SLC39A11: variants seen among roughly 807,000 people sequenced by gnomAD.
SLC39A11 encodes zinc transporter ZIP11.
SLC39A11 carries 33 observed loss-of-function variants against 36.1 expected under a neutral mutation model. That is an observed-to-expected ratio of 0.91 (90% CI 0.69 to 1.22). The LOEUF (loss-of-function observed/expected upper bound fraction) is 1.22, where lower values mean the gene tolerates loss of function less well. Ranked by LOEUF, SLC39A11 falls within the 50% of genes most tolerant of loss-of-function variation. SLC39A11 has a pLI of 0.00. For synonymous variants in SLC39A11, 166 were observed against 170.3 expected (o/e 0.97, Z 0.20); for missense variants, 432 against 430.3 (o/e 1.00, Z -0.03).
intron 4 of SLC39A11, among the ~76,000 whole-genome samples, chr17:73,010,329 C>G (rs1412344712): frequency 1.3e-5 from 2 of 152,050 alleles, no homozygotes; most frequent in East Asian, 3.9e-4. Context: ...ATTCTTCTTT[C>G]CCTCTTTTCT....
At chr17:73,043,114 T>C (rs911936308) in intron 3 of SLC39A11, among the ~76,000 whole-genome samples, 1 of 152,104 alleles carries the variant, frequency 6.6e-6, no homozygotes, top group Non-Finnish European at 1.5e-5. Context: ...GGGATACCAA[T>C]ATTGTTTCAA....
intron 6 of SLC39A11, among the ~76,000 whole-genome samples, chr17:72,760,023 G>A (rs554040534): frequency 6.6e-6 from 1 of 152,206 alleles, no homozygotes; most frequent in East Asian, 1.9e-4. Flanking sequence ...TATAGGTTTT[G>A]TGAAGCATAT....
At chr17:72,753,889 C>CA (rs35076559) in intron 6 of SLC39A11, among the ~76,000 whole-genome samples, 12,671 of 51,746 alleles carry the variant, frequency 0.24, 1,206 homozygotes, top group East Asian at 0.36. Flanking sequence ...AGTCATTATA[C>CA]AAAAAAAAAA....
chr17:72,689,129 T>A (rs919148038), intron 7 of SLC39A11, among the ~76,000 whole-genome samples: 5 of 152,186 alleles, frequency 3.3e-5, no homozygotes, highest in African/African-American at 1.2e-4. Flanking sequence ...ATATTTGGTG[T>A]CCTCTGCACA....
intron 6 of SLC39A11, among the ~76,000 whole-genome samples, chr17:72,791,366 C>A (rs562029448): frequency 1.3e-5 from 2 of 152,122 alleles, no homozygotes; most frequent in Admixed American, 6.5e-5. Flanking sequence ...GCAGGAGAAT[C>A]GCTTGAACCT....
At chr17:72,665,876 T>C (rs2070734264) in intron 7 of SLC39A11, among the ~76,000 whole-genome samples, 1 of 152,212 alleles carries the variant, frequency 6.6e-6, no homozygotes, top group Admixed American at 6.5e-5. Context: ...ATTGTTTATG[T>C]TTATTATCTG....
chr17:72,819,275 A>G (rs1380956773), intron 6 of SLC39A11, among the ~76,000 whole-genome samples: 2 of 151,298 alleles, frequency 1.3e-5, no homozygotes, highest in African/African-American at 4.8e-5. Flanking sequence ...AGATGACGTC[A>G]AGAGACAGAG....
chr17:72,921,702 C>T (rs1318999710), intron 5 of SLC39A11, among the ~76,000 whole-genome samples: 1 of 152,196 alleles, frequency 6.6e-6, no homozygotes, highest in Non-Finnish European at 1.5e-5. Context: ...CTAACTTACA[C>T]AAGAATGCCC....
chr17:72,966,802 C>T (rs2087018408), intron 4 of SLC39A11, among the ~76,000 whole-genome samples: 1 of 152,140 alleles, frequency 6.6e-6, no homozygotes, highest in Non-Finnish European at 1.5e-5. Context: ...ATCTCCTGAC[C>T]TCGTGATCCG....
At chr17:72,650,652 C>T (rs994936689) in intron 7 of SLC39A11, among the ~76,000 whole-genome samples, 13 of 152,188 alleles carry the variant, frequency 8.5e-5, no homozygotes, top group African/African-American at 1.4e-4. Context: ...GGGTGCCACT[C>T]GGCAAGCAAT....
At chr17:72,985,233 T>A (rs1421149442) in intron 4 of SLC39A11, among the ~76,000 whole-genome samples, 1 of 152,016 alleles carries the variant, frequency 6.6e-6, no homozygotes, top group Non-Finnish European at 1.5e-5. Context: ...GCTAGCTGAG[T>A]GAGGGCCACG....
At chr17:72,783,996 TG>T (rs1356992087) in intron 6 of SLC39A11, among the ~76,000 whole-genome samples, 1 of 151,896 alleles carries the variant, frequency 6.6e-6, no homozygotes, top group Non-Finnish European at 1.5e-5. Flanking sequence ...CTGGAGGATG[TG>T]GGGGTAACTG....
chr17:73,050,648 A>G (rs994080474), intron 3 of SLC39A11, among the ~76,000 whole-genome samples: 5 of 152,024 alleles, frequency 3.3e-5, no homozygotes, highest in African/African-American at 1.2e-4. Context: ...ATTTTTTACT[A>G]GAGACAGGGT....
chr17:72,656,286 C>T (rs1478603900), intron 7 of SLC39A11, among the ~76,000 whole-genome samples: 9 of 152,116 alleles, frequency 5.9e-5, no homozygotes, highest in African/African-American at 2.2e-4. Context: ...TGGACCACGA[C>T]ACATTAATGG....
chr17:72,925,233 C>A (rs539710278), intron 5 of SLC39A11, among the ~76,000 whole-genome samples: 22 of 152,066 alleles, frequency 1.4e-4, no homozygotes, highest in Non-Finnish European at 3.1e-4. Flanking sequence ...TGGTTCACAG[C>A]TCTCTAGATG....
rs564901290 is a variant in SLC39A11 at position 72,884,338 on chromosome 17, T to G, written c.431-34534A>C. ...CCAGTGCACTATTCTAAATTTCATT[T>G]CAAACAATGAATCCTCAGAGCGTTC... is the stretch of plus-strand genomic sequence containing the variant. On this transcript the variant is annotated intron_variant, in intron 5 of 9. Transcript: ENST00000255559. 8.5e-5 allele frequency among the ~76,000 whole-genome samples: 13 copies of G among 152,352 alleles called. No individual in the cohort carries two copies. In the East Asian group the frequency reaches 2.5e-3, roughly 29 times the overall value.
chr17:72,927,026 T>A (rs2084090133), intron 5 of SLC39A11, among the ~76,000 whole-genome samples: 1 of 152,164 alleles, frequency 6.6e-6, no homozygotes, highest in African/African-American at 2.4e-5. Context: ...GATGACAATG[T>A]CCGGTTGCCC....
At chr17:72,758,318 AAT>A (rs538545243) in intron 6 of SLC39A11, among the ~76,000 whole-genome samples, 124 of 152,336 alleles carry the variant, frequency 8.1e-4, no homozygotes, top group African/African-American at 2.6e-3. Flanking sequence ...ACAATAAGAC[AAT>A]ACTTGGTTAC....
intron 3 of SLC39A11, among the ~76,000 whole-genome samples, chr17:73,066,486 A>G (rs1458435611): frequency 6.6e-6 from 1 of 152,222 alleles, no homozygotes; most frequent in African/African-American, 2.4e-5. Flanking sequence ...TGGCAAAAAC[A>G]CCTTAATTTG....
Sources: allele counts gnomAD v4.1 joint callset (sites outside exome capture counted in the v4.1 genomes callset), GRCh38; gene constraint gnomAD v4.1.1; transcripts MANE v1.5; gene names NCBI Gene and HGNC (gene_info 2026-07-23, HGNC 2026-07-21).